The following RNF216 variants were observed in gnomAD, a reference collection of about 807,000 sequenced individuals.
RNF216 encodes the protein ring finger protein 216.
In RNF216, 72 loss-of-function variants were observed where a neutral mutation model predicts 110.8. That is an observed-to-expected ratio of 0.65 (90% CI 0.54 to 0.79). RNF216 has a LOEUF of 0.79. RNF216 is among the 30% of genes least tolerant of loss of function. The pLI is 0.00. For synonymous variants in RNF216, 495 were observed against 407.5 expected (o/e 1.21, Z -2.59); for missense variants, 1,342 against 1,141.2 (o/e 1.18, Z -2.54).
chr7:5,636,652 T>C (rs2128563193), intron 15 of RNF216, among the ~76,000 whole-genome samples: 1 of 152,236 alleles, frequency 6.6e-6, no homozygotes, highest in Admixed American at 6.5e-5. Context: ...ATTCGATCGG[T>C]CTCCTGGTGA....
chr7:5,755,932 C>G (rs963649225), intron 2 of RNF216, among the ~76,000 whole-genome samples: 1 of 151,888 alleles, frequency 6.6e-6, no homozygotes, highest in Non-Finnish European at 1.5e-5. Flanking sequence ...GCTTCACGTC[C>G]TTATGGGAAC....
At chr7:5,646,983 G>T (rs142040572) in intron 14 of RNF216, among the ~76,000 whole-genome samples, 1 of 152,160 alleles carries the variant, frequency 6.6e-6, no homozygotes, top group Non-Finnish European at 1.5e-5. Context: ...AGACATGTAC[G>T]TAGTCTTCTA....
At chr7:5,748,305 G>GAAACT (rs1213291972) in intron 3 of RNF216, among the ~76,000 whole-genome samples, 1 of 152,172 alleles carries the variant, frequency 6.6e-6, no homozygotes, top group Non-Finnish European at 1.5e-5. Context: ...TTTTAATGCT[G>GAAACT]AAACTCTACC....
At chr7:5,651,274 A>C (rs1299769000) in intron 14 of RNF216, among the ~76,000 whole-genome samples, 1 of 150,328 alleles carries the variant, frequency 6.7e-6, no homozygotes, top group Non-Finnish European at 1.5e-5. Context: ...CCCAGGCTGT[A>C]GTGTTGTAGT....
At chr7:5,632,876 G>A (rs1165575997) in intron 15 of RNF216, among the ~76,000 whole-genome samples, 4 of 152,176 alleles carry the variant, frequency 2.6e-5, no homozygotes, top group East Asian at 1.9e-4. Context: ...CGAAGCACAC[G>A]AATGGCACCA....
At chr7:5,741,897 T>C (rs1794780881) in intron 3 of RNF216, 82 bp from the exon 4 acceptor site, 7 of 1,448,052 alleles carry the variant, frequency 4.8e-6, no homozygotes, top group East Asian at 2.3e-5. Context: ...GCTTCCGAGA[T>C]AGGACAGGAA....
At chr7:5,672,247 C>T (rs1012999939) in intron 13 of RNF216, among the ~76,000 whole-genome samples, 2 of 152,200 alleles carry the variant, frequency 1.3e-5, no homozygotes, top group Admixed American at 1.3e-4. Context: ...TATTTTCCAT[C>T]CAGAAGAGCA....
chr7:5,641,251 A>G lies in RNF216; in HGVS notation c.2285T>C (p.Val762Ala). 1 of 1,614,018 alleles carries G rather than the reference A, an allele frequency of 6.2e-7. No homozygotes were observed. Among genetic ancestry groups the G allele is most frequent in the South Asian group, 1.1e-5 (1 of 91,068 alleles). Residue 762 changes from valine (V) to alanine (A), a missense_variant, in exon 15 of 17, where the codon GTT (valine) becomes GCT (alanine). By Grantham distance (64) the Val-to-Ala change is moderately conservative. Transcript: ENST00000389902. ...CGAQMCYLCRVSINGYDHFCQ... is the reference protein window; with the variant it reads ...CGAQMCYLCRASINGYDHFCQ... ...GAAATGGTCATATCCATTAATAGAAACTCGACAGAGGTAGCACATCTGGGC... is the reference window on the plus strand; with the variant it reads ...GAAATGGTCATATCCATTAATAGAAGCTCGACAGAGGTAGCACATCTGGGC...
intron 13 of RNF216, among the ~76,000 whole-genome samples, chr7:5,665,299 G>A (rs1789434335): frequency 6.6e-6 from 1 of 152,092 alleles, no homozygotes; most frequent in Non-Finnish European, 1.5e-5. Flanking sequence ...TGAGAGCTCT[G>A]GGAACCATTA....
At chr7:5,715,497 T>C (rs1792990507) in intron 10 of RNF216, among the ~76,000 whole-genome samples, 1 of 152,174 alleles carries the variant, frequency 6.6e-6, no homozygotes, top group African/African-American at 2.4e-5. Context: ...AGAACATCTG[T>C]ACTCAGATGC....
chr7:5,628,354 T>C (rs1036993063), intron 15 of RNF216, among the ~76,000 whole-genome samples: 4 of 152,166 alleles, frequency 2.6e-5, no homozygotes, highest in African/African-American at 9.7e-5. Context: ...GAGCCAACTG[T>C]CAGTTATACC....
At chr7:5,712,041 G>C in intron 12 of RNF216, 1 of 567,024 alleles carries the variant, frequency 1.8e-6, no homozygotes, top group East Asian at 3.0e-5. Context: ...ACCACATGAG[G>C]TCCTGACTGA....
intron 1 of RNF216, among the ~76,000 whole-genome samples, chr7:5,778,832 C>T (rs1202169540): frequency 6.6e-6 from 1 of 152,250 alleles, no homozygotes; most frequent in Admixed American, 6.5e-5. Context: ...CAACCTCCGC[C>T]TCCCGAGTTC....
At chr7:5,755,418 GAATT>G (rs1795584436) in intron 2 of RNF216, among the ~76,000 whole-genome samples, 1 of 152,300 alleles carries the variant, frequency 6.6e-6, no homozygotes, top group East Asian at 1.9e-4. Flanking sequence ...CAAGCTCTAT[GAATT>G]AATACAAAGG....
intron 1 of RNF216, among the ~76,000 whole-genome samples, chr7:5,768,527 T>C (rs147365137): frequency 0.02 from 3,015 of 152,238 alleles, 46 homozygotes; most frequent in Non-Finnish European, 0.031. Context: ...TTTTCAAGTG[T>C]ATGAGAACAT....
At chr7:5,629,248 A>G (rs546415002) in intron 15 of RNF216, among the ~76,000 whole-genome samples, 1 of 151,060 alleles carries the variant, frequency 6.6e-6, no homozygotes, top group Non-Finnish European at 1.5e-5. Context: ...AGGCTGAGGC[A>G]GCAGGATCGC....
intron 8 of RNF216, among the ~76,000 whole-genome samples, chr7:5,722,377 TTTTG>T (rs1383210928): frequency 3.0e-4 from 45 of 150,284 alleles, no homozygotes; most frequent in Middle Eastern, 3.4e-3. Context: ...ATGTTTTTTT[TTTTG>T]TTTGTTTGTT....
chr7:5,770,082 C>A (rs1226975281), intron 1 of RNF216, among the ~76,000 whole-genome samples: 2 of 141,112 alleles, frequency 1.4e-5, no homozygotes, highest in African/African-American at 5.2e-5. Context: ...CGTGGTGGCT[C>A]ACGCCTGTAG....
At chr7:5,714,426 T>A (rs1792912745) in intron 11 of RNF216, among the ~76,000 whole-genome samples, 2 of 152,124 alleles carry the variant, frequency 1.3e-5, no homozygotes, top group Admixed American at 1.3e-4. Context: ...GTCTGGCTAA[T>A]CTTGTATTTT....
Sources: gnomAD v4.1 joint callset for allele counts (sites outside exome capture counted in the v4.1 genomes callset) on GRCh38, gnomAD v4.1.1 for gene constraint, MANE v1.5 for transcripts, NCBI Gene and HGNC (gene_info 2026-07-23, HGNC 2026-07-21) for gene names.